CPS1: variants seen among roughly 807,000 people sequenced by gnomAD.
CPS1 encodes the protein carbamoyl-phosphate synthase [ammonia], mitochondrial.
Under a neutral mutation model 174.6 loss-of-function variants are expected in CPS1, and 109 were observed. That is an observed-to-expected ratio of 0.62 (90% CI 0.53 to 0.73). The LOEUF is 0.73. Among genes scored for constraint, CPS1 ranks in the 30% least tolerant of loss-of-function variants. The probability of loss-of-function intolerance (pLI) is 0.00; values close to 1 mark genes in which losing one functional copy is unlikely to be tolerated. For synonymous variants in CPS1, 637 were observed against 632.0 expected (o/e 1.01, Z -0.12); for missense variants, 1,689 against 1,821.9 (o/e 0.93, Z 1.33).
chr2:210,669,322 C>G (rs1252002028), intron 34 of CPS1, among the ~76,000 whole-genome samples: 1 of 152,012 alleles, frequency 6.6e-6, no homozygotes, highest in Non-Finnish European at 1.5e-5. Flanking sequence ...AGAGGCTTCC[C>G]AACTGGTCAT....
chr2:210,545,110 G>C (rs748307107), intron 1 of CPS1, among the ~76,000 whole-genome samples: 4 of 152,112 alleles, frequency 2.6e-5, no homozygotes, highest in South Asian at 2.1e-4. Flanking sequence ...CGTAGCACAG[G>C]GTTTTTCAAG....
chr2:210,526,090 G>A (rs1695965115), intron 1 of CPS1, among the ~76,000 whole-genome samples: 2 of 151,892 alleles, frequency 1.3e-5, no homozygotes, highest in South Asian at 2.1e-4. Flanking sequence ...CAGGGACATG[G>A]ATGAAGCTGA....
At chr2:210,585,951 T>C (rs1287358668) in intron 6 of CPS1, among the ~76,000 whole-genome samples, 2 of 151,484 alleles carry the variant, frequency 1.3e-5, no homozygotes, top group Non-Finnish European at 2.9e-5. Context: ...ATCTGGGAAA[T>C]GATTCATGTT....
At chr2:210,549,913 A>G (rs1385470570) in intron 1 of CPS1, among the ~76,000 whole-genome samples, 1 of 152,050 alleles carries the variant, frequency 6.6e-6, no homozygotes, top group Non-Finnish European at 1.5e-5. Flanking sequence ...CTGAACAATC[A>G]TAAACATTTA....
At chr2:210,613,304 G>T (rs1699192915) in intron 20 of CPS1, among the ~76,000 whole-genome samples, 1 of 151,884 alleles carries the variant, frequency 6.6e-6, no homozygotes, top group East Asian at 1.9e-4. Context: ...TTCCTTAATT[G>T]CATCCAATGT....
rs752998383 is a variant in CPS1, at chr2:210,637,856, C to T, written c.2829+13C>T. On this transcript the variant is annotated intron_variant, in intron 22 of 37. Coordinates refer to ENST00000233072, the MANE Select transcript of CPS1 (RefSeq NM_001875.5). The stretch of plus-strand genomic sequence containing the variant: ...TTGGGTTAAACAGGTAAAGGAGTTT[C>T]CCTTTTCCCCCATCCCCCACTGACA... 1.2e-6 allele frequency: 2 copies of T among 1,613,596 alleles called. No homozygotes were observed. Among genetic ancestry groups the T allele is most frequent in the South Asian group, 1.1e-5 (1 of 91,054 alleles).
chr2:210,558,313 A>G (rs1032934608), intron 1 of CPS1, among the ~76,000 whole-genome samples: 2 of 152,042 alleles, frequency 1.3e-5, no homozygotes, highest in African/African-American at 4.8e-5. Flanking sequence ...ATGGCCATAA[A>G]GGGCACTGGG....
chr2:210,548,583 T>C (rs1308520073), intron 1 of CPS1, among the ~76,000 whole-genome samples: 2 of 152,064 alleles, frequency 1.3e-5, no homozygotes, highest in African/African-American at 4.8e-5. Flanking sequence ...GTAGGCACTT[T>C]TGACTAATTG....
At chr2:210,555,681 G>T (rs981899453), upstream of CPS1, 1 of 455,090 alleles carries the variant, frequency 2.2e-6, no homozygotes, top group African/African-American at 2.0e-5. Context: ...TTATTCCTTG[G>T]CCTTCTTTGC....
chr2:210,647,757 C>A (rs1368193839), intron 25 of CPS1, 106 bp from the exon 26 acceptor site: 74 of 1,354,684 alleles, frequency 5.5e-5, no homozygotes, highest in Non-Finnish European at 7.6e-5. Flanking sequence ...GTAAATATCA[C>A]AGTCAGGTTA....
chr2:210,519,605 T>G, intron 1 of CPS1: 1 of 195,038 alleles, frequency 5.1e-6, no homozygotes, highest in Non-Finnish European at 9.3e-6. Flanking sequence ...TGACACGTTA[T>G]GAGTATTTCC....
intron 6 of CPS1, among the ~76,000 whole-genome samples, chr2:210,583,422 T>C (rs963151244): frequency 2.0e-5 from 3 of 152,096 alleles, no homozygotes; most frequent in Admixed American, 6.6e-5. Flanking sequence ...ATAAATGCTG[T>C]CCTTGGAGTG....
chr2:210,668,230 A>G lies in CPS1; in HGVS notation c.4047A>G (p.Ala1349=), dbSNP rs772642343. The change falls in exon 34 of 38, where the codon GCA becomes GCG. Residue 1349 remains alanine, a synonymous_variant. Coordinates refer to ENST00000233072, the MANE Select transcript of CPS1 (RefSeq NM_001875.5). ...GTATTCATACAGCCTTCCTAAAGGC[A>G]ATGCTTTCCACAGGATTTAAGATAC... ...GEGIHTAFLK[A]MLSTGFKIPQ... 8.7e-6 allele frequency: 14 copies of G among 1,613,874 alleles called. No individual in the cohort carries two copies. The highest frequency in any genetic ancestry group is 1.7e-5 in the Admixed American group (1 of 59,962).
intron 15 of CPS1, 90 bp downstream of exon 15, chr2:210,600,802 G>T: frequency 2.9e-6 from 4 of 1,357,962 alleles, no homozygotes; most frequent in African/African-American, 1.4e-5. Flanking sequence ...TAATAGTTAA[G>T]ATTATTATAC....
Position 210,634,497 on chromosome 2 carries a change from G to A in CPS1, c.2688-3205G>A, listed in dbSNP as rs1023399678. The stretch of plus-strand genomic sequence containing the variant: ...CTCTCTCTCTCTCTTTTTCTTGAAA[G>A]TAAAAGTAACCACAAACTTTGGTGT... On this transcript the variant is annotated intron_variant, in intron 21 of 37. Transcript: ENST00000233072. 3.9e-5 allele frequency among the ~76,000 whole-genome samples: 6 copies of A among 152,018 alleles called. No homozygotes were observed. The East Asian group carries it at 1.2e-3, about 29-fold the overall frequency.
chr2:210,562,865 G>A (rs1313797786), intron 1 of CPS1, among the ~76,000 whole-genome samples: 2 of 129,908 alleles, frequency 1.5e-5, no homozygotes, highest in Non-Finnish European at 3.2e-5. Flanking sequence ...ACTTTTAAAT[G>A]GTGTTTTTTT....
At chr2:210,604,875 T>A in intron 16 of CPS1, 1 of 536,016 alleles carries the variant, frequency 1.9e-6, no homozygotes, top group South Asian at 2.2e-5. Flanking sequence ...ATCAGCACTT[T>A]GAATGGCAAG....
intron 34 of CPS1, among the ~76,000 whole-genome samples, chr2:210,671,462 TA>T (rs1282685115): frequency 6.6e-6 from 1 of 152,132 alleles, no homozygotes; most frequent in Non-Finnish European, 1.5e-5. Context: ...TTGGAGGAAA[TA>T]TATATATTTT....
intron 1 of CPS1, among the ~76,000 whole-genome samples, chr2:210,544,005 G>A (rs989898530): frequency 1.3e-5 from 2 of 152,038 alleles, no homozygotes; most frequent in Admixed American, 1.3e-4. Context: ...GGATCATAGG[G>A]CTTGATGGAT....
Sources: gnomAD v4.1 joint callset for allele counts (sites outside exome capture counted in the v4.1 genomes callset) on GRCh38, gnomAD v4.1.1 for gene constraint, MANE v1.5 for transcripts, NCBI Gene and HGNC (gene_info 2026-07-23, HGNC 2026-07-21) for gene names.